Variants in GRIK3 observed in about 807,000 individuals in gnomAD.
The protein encoded by GRIK3 is glutamate ionotropic receptor kainate type subunit 3.
Under a neutral mutation model 102.5 loss-of-function variants are expected in GRIK3, and 29 were observed. The observed-to-expected ratio is 0.28, with a 90% CI of 0.21 to 0.39. GRIK3 has a LOEUF of 0.39. Ranked by LOEUF, GRIK3 falls within the 10% of genes least tolerant of loss-of-function variation. GRIK3 has a pLI of 1.00. For missense variants in GRIK3, 908 were observed against 1,252.4 expected, an observed-to-expected ratio of 0.73 and a Z score of 4.15; for synonymous variants, 511 against 504.9, an observed-to-expected ratio of 1.01 and a Z score of -0.16.
rs1446277342 is a variant in GRIK3, at chr1:36,798,997, A to G, written c.*2854T>C. 1 of 152,196 alleles carries G rather than the reference A, an allele frequency of 6.6e-6. No homozygotes were observed. The highest frequency in any genetic ancestry group is 2.4e-5 in the African/African-American group (1 of 41,438). The allele number at this position is 152,196 out of a possible 1,614,324, so 9.4% of individuals were successfully genotyped here. Reference sequence around the variant, plus strand: ...ATGCTCATGTAGCATCACACACACAACACATGTGTGAGACAAGAGCAAGAA... The same window carrying G: ...ATGCTCATGTAGCATCACACACACAGCACATGTGTGAGACAAGAGCAAGAA... On this transcript the variant is annotated 3_prime_UTR_variant, in exon 16 of 16. Coordinates refer to ENST00000373091, the MANE Select transcript of GRIK3 (RefSeq NM_000831.4).
At chr1:36,890,472 A>T (rs2124272532) in intron 2 of GRIK3, among the ~76,000 whole-genome samples, 1 of 152,116 alleles carries the variant, frequency 6.6e-6, no homozygotes, top group African/African-American at 2.4e-5. Context: ...TAAAAAAAAA[A>T]AAAAATGTCA....
intron 1 of GRIK3, among the ~76,000 whole-genome samples, chr1:36,957,406 G>A (rs75366922): frequency 0.013 from 771 of 59,988 alleles, no homozygotes; most frequent in Middle Eastern, 0.02. Context: ...TCTGTGCCCC[G>A]TGAGCCTGTG....
At chr1:37,007,613 C>G (rs770925276) in intron 1 of GRIK3, among the ~76,000 whole-genome samples, 3 of 152,200 alleles carry the variant, frequency 2.0e-5, no homozygotes, top group Non-Finnish European at 4.4e-5. Flanking sequence ...CAGATGAGGA[C>G]GCACAAACGC....
chr1:36,840,557 A>G (rs140849179), intron 10 of GRIK3, among the ~76,000 whole-genome samples: 19,139 of 134,666 alleles, frequency 0.14, 1,536 homozygotes, highest in South Asian at 0.16. Flanking sequence ...CCACCAAAAA[A>G]AAAAAAAAAA....
chr1:36,887,337 G>C (rs977409870), intron 2 of GRIK3, among the ~76,000 whole-genome samples: 12 of 152,102 alleles, frequency 7.9e-5, no homozygotes, highest in African/African-American at 2.9e-4. Flanking sequence ...TTGATAAATT[G>C]GACTTCTTTA....
At chr1:36,957,933 A>G (rs555295) in intron 1 of GRIK3, among the ~76,000 whole-genome samples, 2,376 of 18,874 alleles carry the variant, frequency 0.13, 142 homozygotes, top group Middle Eastern at 0.28. Flanking sequence ...TGTGTGCCCC[A>G]TGAGCCTGTG....
At chr1:36,822,555 G>A (rs575835085) in intron 11 of GRIK3, among the ~76,000 whole-genome samples, 42 of 152,306 alleles carry the variant, frequency 2.8e-4, no homozygotes, top group African/African-American at 7.2e-4. Flanking sequence ...TGTAGCTTGC[G>A]GTTGCAAGGG....
At chr1:36,816,512 AG>A (rs1465177200) in intron 13 of GRIK3, among the ~76,000 whole-genome samples, 2 of 152,216 alleles carry the variant, frequency 1.3e-5, no homozygotes, top group African/African-American at 4.8e-5. Context: ...CCATTAGAGC[AG>A]TCACTTGAGC....
chr1:36,839,631 T>A (rs76969014), intron 10 of GRIK3, among the ~76,000 whole-genome samples: 2,573 of 152,330 alleles, frequency 0.017, 89 homozygotes, highest in African/African-American at 0.059. Context: ...AACAATCTTA[T>A]GAAGTAGGTC....
chr1:36,975,959 G>T (rs561820814), intron 1 of GRIK3, among the ~76,000 whole-genome samples: 2 of 152,228 alleles, frequency 1.3e-5, no homozygotes, highest in Non-Finnish European at 2.9e-5. Context: ...GAGCAGGAAG[G>T]CCTCCTGAAA....
intron 7 of GRIK3, among the ~76,000 whole-genome samples, chr1:36,857,903 C>A (rs534966320): frequency 6.6e-6 from 1 of 152,298 alleles, no homozygotes; most frequent in South Asian, 2.1e-4. Flanking sequence ...TGTGCACAGG[C>A]GAGTCTGTTT....
At chr1:36,887,952 G>T (rs1033545160) in intron 2 of GRIK3, among the ~76,000 whole-genome samples, 2 of 151,958 alleles carry the variant, frequency 1.3e-5, no homozygotes, top group African/African-American at 4.8e-5. Flanking sequence ...CTCAAACATA[G>T]CTGTGGGGAG....
chr1:36,906,597 A>G (rs999536362), intron 1 of GRIK3, among the ~76,000 whole-genome samples: 1 of 152,166 alleles, frequency 6.6e-6, no homozygotes, highest in Non-Finnish European at 1.5e-5. Context: ...CTTTGTCTGC[A>G]AAGGATCGGA....
chr1:36,840,053 C>A (rs1640427858), intron 10 of GRIK3, among the ~76,000 whole-genome samples: 1 of 152,152 alleles, frequency 6.6e-6, no homozygotes, highest in African/African-American at 2.4e-5. Flanking sequence ...TCTGTCCTGG[C>A]CCCTGGGGTC....
chr1:36,916,780 C>G (rs185738134), intron 1 of GRIK3, among the ~76,000 whole-genome samples: 1 of 152,180 alleles, frequency 6.6e-6, no homozygotes. Flanking sequence ...GATGCCCAGA[C>G]AAAAGTTTGC....
rs979032491 is a variant in GRIK3 at position 36,850,304 on chromosome 1, C to A, written c.1326+7G>T. The A allele has an allele frequency of 7.0e-6, 11 of 1,572,052 alleles. 1 individual carries two copies. Among genetic ancestry groups the A allele is most frequent in the Admixed American group, 1.7e-5 (1 of 59,970 alleles). On this transcript the variant is annotated splice_region_variant and intron_variant, in intron 9 of 15. Transcript: ENST00000373091. This position sits in a 1 kb window ranked among gnomAD's most constrained non-coding sequence, Gnocchi z 4.0. The stretch of plus-strand genomic sequence containing the variant: ...CAGTCCTTCCTGCAGGGGCTGCAGG[C>A]TCTTACCAGCACTGTGGTGACAATG...
chr1:36,949,882 A>G (rs1334686860), intron 1 of GRIK3, among the ~76,000 whole-genome samples: 1 of 152,086 alleles, frequency 6.6e-6, no homozygotes, highest in Non-Finnish European at 1.5e-5. Context: ...CCTGGCCCTA[A>G]TTCTTTTAAT....
At position 36,872,460 on chromosome 1, in the gene GRIK3, C is replaced by T; in HGVS notation, c.551-91G>A. 9.6e-7 allele frequency: 1 copy of T among 1,045,902 alleles called. No individual in the cohort carries two copies. Among genetic ancestry groups the T allele is most frequent in the Non-Finnish European group, 1.4e-6 (1 of 723,130 alleles). The allele number at this position is 1,045,902 out of a possible 1,614,324, so 64.8% of individuals were successfully genotyped here. Reference sequence around the variant, plus strand: ...TTGGACTTGTGTGCACACACATGCCCATGGCCACAGGTCTGCAGACATACA... The same window carrying T: ...TTGGACTTGTGTGCACACACATGCCTATGGCCACAGGTCTGCAGACATACA... On this transcript the variant is annotated intron_variant, in intron 3 of 15. Transcript: ENST00000373091. The surrounding 1 kb of genome is among the most constrained non-coding windows in gnomAD (Gnocchi z 5.9).
intron 1 of GRIK3, among the ~76,000 whole-genome samples, chr1:36,944,756 T>C (rs941928607): frequency 6.6e-5 from 10 of 152,194 alleles, no homozygotes; most frequent in African/African-American, 2.4e-4. Flanking sequence ...TGTGGGTCTA[T>C]GTCAATTTCC....
Sources: allele counts gnomAD v4.1 joint callset (sites outside exome capture counted in the v4.1 genomes callset), GRCh38; gene constraint gnomAD v4.1.1; non-coding constraint Gnocchi (gnomAD v3.1); transcripts MANE v1.5; gene names NCBI Gene and HGNC (gene_info 2026-07-23, HGNC 2026-07-21).